Variants in PKIB observed in about 807,000 individuals in gnomAD.
The protein encoded by PKIB is cAMP-dependent protein kinase inhibitor beta, also known as PKI-beta.
Under a neutral mutation model 4.5 loss-of-function variants are expected in PKIB, and 2 were observed. The ratio of observed to expected loss-of-function variants is 0.44; its 90% confidence interval spans 0.18 to 1.39. The LOEUF is 1.39. PKIB is among the 40% of genes most tolerant of loss of function. PKIB has a pLI of 0.27. For missense variants in PKIB, 94 were observed against 92.6 expected, an observed-to-expected ratio of 1.02 and a Z score of -0.06; for synonymous variants, 38 against 36.0, an observed-to-expected ratio of 1.06 and a Z score of -0.20.
chr6:122,544,047 C>T (rs1215536121), intron 2 of PKIB, among the ~76,000 whole-genome samples: 1 of 151,722 alleles, frequency 6.6e-6, no homozygotes, highest in Admixed American at 6.6e-5. Flanking sequence ...AACTCTATGA[C>T]AAAACTCTAT....
At chr6:122,607,086 A>G (rs1774561713), upstream of PKIB, among the ~76,000 whole-genome samples, 2 of 150,034 alleles carry the variant, frequency 1.3e-5, no homozygotes, top group South Asian at 4.2e-4. Flanking sequence ...TAAAAAAAAA[A>G]ATAATAATAA....
chr6:122,489,338 C>T (rs987572305), intron 2 of PKIB, among the ~76,000 whole-genome samples: 14 of 152,070 alleles, frequency 9.2e-5, no homozygotes, highest in Non-Finnish European at 1.5e-4. Flanking sequence ...ACCTCTGCCT[C>T]CCAGGTTCAA....
chr6:122,524,532 T>TTTTATATGTCTA, intron 2 of PKIB, among the ~76,000 whole-genome samples: 1 of 152,104 alleles, frequency 6.6e-6, no homozygotes, highest in East Asian at 1.9e-4. Context: ...TTCAATTTTT[T>TTTTATATGTCTA]GGAAAAGTTT....
chr6:122,488,127 C>G (rs1453448643), intron 2 of PKIB, among the ~76,000 whole-genome samples: 1 of 152,032 alleles, frequency 6.6e-6, no homozygotes, highest in Non-Finnish European at 1.5e-5. Flanking sequence ...TTATGGCTAC[C>G]AAATTGTAAT....
intron 2 of PKIB, among the ~76,000 whole-genome samples, chr6:122,497,949 C>T (rs756216452): frequency 5.9e-5 from 9 of 152,090 alleles, no homozygotes; most frequent in African/African-American, 1.4e-4. Context: ...ACTCTCAGAT[C>T]GACCCCATGC....
chr6:122,591,997 C>T (rs1275931627), intron 3 of PKIB, among the ~76,000 whole-genome samples: 1 of 150,842 alleles, frequency 6.6e-6, no homozygotes, highest in African/African-American at 2.4e-5. Context: ...AAAATGCTAA[C>T]TTGCTATGTA....
At chr6:122,687,947 T>G (rs540980487) in intron 3 of PKIB, among the ~76,000 whole-genome samples, 2 of 152,044 alleles carry the variant, frequency 1.3e-5, no homozygotes, top group Non-Finnish European at 2.9e-5. Context: ...CTTTTTTTTT[T>G]AAATTTTATT....
At chr6:122,561,580 T>A (rs576771093) in intron 2 of PKIB, among the ~76,000 whole-genome samples, 78 of 152,016 alleles carry the variant, frequency 5.1e-4, no homozygotes, top group African/African-American at 1.8e-3. Flanking sequence ...TTTTTTTTTA[T>A]AAATTTGGGA....
intron 2 of PKIB, among the ~76,000 whole-genome samples, chr6:122,512,356 T>A (rs751780730): frequency 2.0e-4 from 30 of 152,190 alleles, no homozygotes; most frequent in Non-Finnish European, 3.8e-4. Context: ...CTCTTTTCCC[T>A]CTTCTCATTT....
At chr6:122,541,967 G>C (rs913178774) in intron 2 of PKIB, among the ~76,000 whole-genome samples, 1 of 151,856 alleles carries the variant, frequency 6.6e-6, no homozygotes, top group Non-Finnish European at 1.5e-5. Flanking sequence ...TCTTCCAGTT[G>C]ATCGCATCGG....
intron 2 of PKIB, among the ~76,000 whole-genome samples, chr6:122,555,235 C>A (rs1042005187): frequency 3.3e-5 from 5 of 152,016 alleles, no homozygotes; most frequent in Admixed American, 1.3e-4. Context: ...ATTGAGTAAT[C>A]CACGAGAAGC....
At chr6:122,528,164 T>C (rs1777150095) in intron 2 of PKIB, among the ~76,000 whole-genome samples, 1 of 152,210 alleles carries the variant, frequency 6.6e-6, no homozygotes, top group African/African-American at 2.4e-5. Flanking sequence ...ATTTGAAGGC[T>C]GTTTTGTCTA....
At position 122,719,330 on chromosome 6, in the gene PKIB, C is replaced by A. The variant is rs535591602; in HGVS notation, c.169+1367C>A. On this transcript the variant is annotated intron_variant, in intron 4 of 4. Coordinates refer to ENST00000368452, the MANE Select transcript of PKIB (RefSeq NM_181795.3). ...AATATGTTCCTGTTTTTATATTTTT[C>A]TTCATATCATTTTGAAATAAAGTCA... 1.9e-3 allele frequency among the ~76,000 whole-genome samples: 283 copies of A among 152,158 alleles called. 1 individual carries two copies. The highest frequency in any genetic ancestry group is 0.01 in the Middle Eastern group (3 of 294).
chr6:122,662,715 A>T (rs997259870), intron 2 of PKIB, among the ~76,000 whole-genome samples: 9 of 152,252 alleles, frequency 5.9e-5, no homozygotes, highest in African/African-American at 1.9e-4. Flanking sequence ...TAGTAATAAC[A>T]TTTCTAACAA....
At chr6:122,541,592 C>T (rs1453907559) in intron 2 of PKIB, among the ~76,000 whole-genome samples, 2 of 151,884 alleles carry the variant, frequency 1.3e-5, no homozygotes, top group Non-Finnish European at 2.9e-5. Context: ...GTAACCTGAC[C>T]TTTCTCTCTG....
At chr6:122,631,281 G>C (rs1254329534) in intron 1 of PKIB, among the ~76,000 whole-genome samples, 1 of 152,150 alleles carries the variant, frequency 6.6e-6, no homozygotes, top group Non-Finnish European at 1.5e-5. Flanking sequence ...TAATTAAATG[G>C]CAGGTTCAGC....
intron 3 of PKIB, among the ~76,000 whole-genome samples, chr6:122,599,471 T>C (rs973299075): frequency 6.6e-6 from 1 of 152,186 alleles, no homozygotes; most frequent in African/African-American, 2.4e-5. Flanking sequence ...AGAGCTTATA[T>C]CTGTTTTTCC....
intron 2 of PKIB, among the ~76,000 whole-genome samples, chr6:122,513,005 G>A (rs1776634276): frequency 1.3e-5 from 2 of 152,004 alleles, no homozygotes; most frequent in Admixed American, 1.3e-4. Flanking sequence ...TTCTTAGTCA[G>A]CATCTCTGTT....
chr6:122,709,322 C>G (rs1461993199), intron 3 of PKIB, among the ~76,000 whole-genome samples: 2 of 152,136 alleles, frequency 1.3e-5, no homozygotes, highest in Non-Finnish European at 2.9e-5. Flanking sequence ...AGGGCAGTCA[C>G]TTTGAGAGTG....
Sources: allele counts gnomAD v4.1 joint callset (sites outside exome capture counted in the v4.1 genomes callset), GRCh38; gene constraint gnomAD v4.1.1; transcripts MANE v1.5; gene names NCBI Gene and HGNC (gene_info 2026-07-23, HGNC 2026-07-21).